The following MCM8 variants were observed in gnomAD, a reference collection of about 807,000 sequenced individuals.
The protein encoded by MCM8 is DNA helicase MCM8.
A neutral mutation model predicts 98.9 loss-of-function variants in MCM8; 85 were observed. That is an observed-to-expected ratio of 0.86 (90% CI 0.72 to 1.03). The LOEUF (loss-of-function observed/expected upper bound fraction) is 1.03, where lower values mean the gene tolerates loss of function less well. Ranked by LOEUF, MCM8 falls within the 50% of genes least tolerant of loss-of-function variation. The pLI, the probability that MCM8 is intolerant of heterozygous loss-of-function variation, is 0.00. For synonymous variants in MCM8, 352 were observed against 338.6 expected (o/e 1.04, Z -0.44); for missense variants, 951 against 997.8 (o/e 0.95, Z 0.63).
intron 16 of MCM8, 123 bp from the exon 17 acceptor site, chr20:5,987,159 G>A: frequency 1.1e-6 from 1 of 907,226 alleles, no homozygotes; most frequent in South Asian, 1.7e-5. Context: ...GACTTTTGAT[G>A]TTATAACCTT....
chr20:5,973,188 A>G lies in MCM8; in HGVS notation c.1387A>G (p.Met463Val), dbSNP rs977137014. The change falls in exon 12 of 19, where the codon ATG becomes GTG. Residue 463 changes from methionine to valine, a missense_variant. Physicochemically the swap from Met to Val is conservative, Grantham distance 21 (BLOSUM62 1). Transcript: ENST00000610722. ...AGATCCAGGCCTAGGAAAAAGTCAAATGCTACAGGTAGACAATCAGTCATT... is the reference window on the plus strand; with the variant it reads ...AGATCCAGGCCTAGGAAAAAGTCAAGTGCTACAGGTAGACAATCAGTCATT... Reference protein sequence around the residue: ...VGDPGLGKSQMLQAACNVAPR... With the variant: ...VGDPGLGKSQVLQAACNVAPR... 2.5e-6 allele frequency: 4 copies of G among 1,614,138 alleles called. No individual in the cohort carries two copies. The Admixed American group carries it at 5.0e-5, about 20-fold the overall frequency.
chr20:5,982,963 A>G lies in MCM8; in HGVS notation c.1538-7A>G. 6.2e-7 allele frequency: 1 copy of G among 1,603,488 alleles called. No individual in the cohort carries two copies. Among genetic ancestry groups the G allele is most frequent in the Non-Finnish European group, 8.5e-7 (1 of 1,177,144 alleles). On this transcript the variant is annotated splice_region_variant and splice_polypyrimidine_tract_variant and intron_variant, in intron 13 of 18. Coordinates refer to ENST00000610722, the MANE Select transcript of MCM8 (RefSeq NM_032485.6). ...GTTTTTTCTGCTTTATTCTACTTCG[A>G]TTGTAGGTATTTGTGGAATCGATGA...
intron 13 of MCM8, among the ~76,000 whole-genome samples, chr20:5,979,906 G>A (rs913923368): frequency 1.3e-5 from 2 of 152,156 alleles, no homozygotes; most frequent in Admixed American, 6.5e-5. Context: ...TCATGTTCTG[G>A]CCTTTCACCT....
At chr20:5,993,305 A>G (rs1359207953) in intron 17 of MCM8, among the ~76,000 whole-genome samples, 1 of 152,204 alleles carries the variant, frequency 6.6e-6, no homozygotes, top group Non-Finnish European at 1.5e-5. Context: ...TAAAAGCAGT[A>G]ACTGTGTCCA....
chr20:5,971,830 A>T (rs1285296245), intron 10 of MCM8, among the ~76,000 whole-genome samples, 177 bp from the exon 11 acceptor site: 1 of 152,224 alleles, frequency 6.6e-6, no homozygotes, highest in Non-Finnish European at 1.5e-5. Context: ...TAACCTTTAT[A>T]GATTAACCAA....
intron 12 of MCM8, among the ~76,000 whole-genome samples, chr20:5,976,679 G>A (rs374568705): frequency 2.6e-5 from 4 of 152,332 alleles, no homozygotes; most frequent in South Asian, 4.1e-4. Flanking sequence ...GGTGCAACTC[G>A]CCTCAGCATC....
chr20:5,988,214 A>G (rs902891881), intron 17 of MCM8, among the ~76,000 whole-genome samples: 3 of 152,116 alleles, frequency 2.0e-5, no homozygotes, highest in Non-Finnish European at 4.4e-5. Flanking sequence ...TAATCCCAGC[A>G]CTTTGGGAGG....
intron 8 of MCM8, 71 bp downstream of exon 8, chr20:5,963,430 C>G (rs1023493640): frequency 9.0e-7 from 1 of 1,117,154 alleles, no homozygotes; most frequent in African/African-American, 1.5e-5. Flanking sequence ...CATAATTTTA[C>G]TGTATTATAT....
At chr20:5,960,653 C>T (rs2089118814) in intron 7 of MCM8, among the ~76,000 whole-genome samples, 1 of 152,102 alleles carries the variant, frequency 6.6e-6, no homozygotes, top group Admixed American at 6.6e-5. Context: ...AGCCGTTCTT[C>T]GGCTGGGCTT....
At chr20:5,958,415 G>C (rs755050638) in intron 6 of MCM8, 113 bp from the exon 7 acceptor site, 2 of 759,668 alleles carry the variant, frequency 2.6e-6, no homozygotes, top group Non-Finnish European at 4.4e-6. Flanking sequence ...TGATATTTCT[G>C]ATATATCGAA....
chr20:5,973,352 T>C (rs1385934099), intron 12 of MCM8, among the ~76,000 whole-genome samples, 156 bp downstream of exon 12: 3 of 152,262 alleles, frequency 2.0e-5, no homozygotes, highest in Non-Finnish European at 4.4e-5. Context: ...ATGTAACTTA[T>C]ATCTGACCAT....
chr20:5,958,773 C>T, intron 7 of MCM8, 47 bp downstream of exon 7: 1 of 1,527,882 alleles, frequency 6.5e-7, no homozygotes, highest in Non-Finnish European at 9.0e-7. Context: ...GTAAAGAAGG[C>T]AAATCAGAAT....
At chr20:5,989,167 A>G (rs1280106297) in intron 17 of MCM8, among the ~76,000 whole-genome samples, 17 of 130,318 alleles carry the variant, frequency 1.3e-4, no homozygotes, top group Admixed American at 1.2e-3. Context: ...CCCGGGCTGG[A>G]GTGCAGTGGT....
At position 5,958,104 on chromosome 20, in the gene MCM8, G is replaced by A. The variant is rs1808091; in HGVS notation, c.591-424G>A. Among the ~76,000 whole-genome samples, 2,080 of 152,318 alleles carry A rather than the reference G, an allele frequency of 0.014. 156 individuals carry two copies. The East Asian group carries it at 0.23, about 17-fold the overall frequency. On this transcript the variant is annotated intron_variant, in intron 6 of 18. Coordinates refer to ENST00000610722, the MANE Select transcript of MCM8 (RefSeq NM_032485.6). ...TAAGAATGGTTTGGCTGGGCACGGTGGCTCATGCCTGTAATCCCAGCACTG... is the reference window on the plus strand; with the variant it reads ...TAAGAATGGTTTGGCTGGGCACGGTAGCTCATGCCTGTAATCCCAGCACTG...
Position 5,973,062 on chromosome 20 carries a change from A to G in MCM8, c.1261A>G (p.Lys421Glu). ...CPVIFGHELV[K>E]AGLALALFGG... ...TTCTTTTTTCGCACTTGAGCTTGTTAAAGCAGGTTTGGCATTAGCACTCTT... is the reference window on the plus strand; with the variant it reads ...TTCTTTTTTCGCACTTGAGCTTGTTGAAGCAGGTTTGGCATTAGCACTCTT... The change falls in exon 12 of 19, where the codon AAA becomes GAA. Residue 421 changes from lysine to glutamate, a missense_variant. Lys to Glu is a moderately conservative substitution (Grantham distance 56). Coordinates refer to ENST00000610722, the MANE Select transcript of MCM8 (RefSeq NM_032485.6). 1 of 1,614,048 alleles carries G rather than the reference A, an allele frequency of 6.2e-7. No homozygotes were observed. Among genetic ancestry groups the G allele is most frequent in the Non-Finnish European group, 8.5e-7 (1 of 1,179,906 alleles).
intron 10 of MCM8, among the ~76,000 whole-genome samples, chr20:5,970,078 T>C (rs943365053): frequency 1.3e-5 from 2 of 152,216 alleles, no homozygotes; most frequent in African/African-American, 2.4e-5. Context: ...CTAGCAGAGA[T>C]TGGCAAACTA....
chr20:5,977,340 G>A (rs2122768394), intron 12 of MCM8, among the ~76,000 whole-genome samples: 1 of 152,326 alleles, frequency 6.6e-6, no homozygotes, highest in Admixed American at 6.5e-5. Flanking sequence ...AGGTCTGAGA[G>A]CCACACAGCT....
intron 13 of MCM8, 146 bp downstream of exon 13, chr20:5,978,163 T>C (rs900752815): frequency 1.3e-4 from 109 of 848,786 alleles, no homozygotes; most frequent in Non-Finnish European, 1.9e-4. Context: ...GAAATAATCA[T>C]TGGAAATGCA....
intron 3 of MCM8, 27 bp from the exon 4 acceptor site, chr20:5,954,581 G>A: frequency 7.4e-7 from 1 of 1,354,068 alleles, no homozygotes; most frequent in South Asian, 1.2e-5. Context: ...GTGATTATTT[G>A]TGCTAATGCC....
Sources: gnomAD v4.1 joint callset for allele counts (sites outside exome capture counted in the v4.1 genomes callset) on GRCh38, gnomAD v4.1.1 for gene constraint, MANE v1.5 for transcripts, NCBI Gene and HGNC (gene_info 2026-07-23, HGNC 2026-07-21) for gene names.